The following GDAP1 variants were observed in gnomAD, a reference collection of about 807,000 sequenced individuals.
GDAP1 encodes ganglioside-induced differentiation-associated protein 1.
A neutral mutation model predicts 40.1 loss-of-function variants in GDAP1; 34 were observed. The ratio of observed to expected loss-of-function variants is 0.85; its 90% CI spans 0.64 to 1.13. The LOEUF is 1.13. GDAP1 is among the 50% of genes most tolerant of loss of function. GDAP1 has a pLI of 0.00. For missense variants in GDAP1, 374 were observed against 433.7 expected, an observed-to-expected ratio of 0.86 and a Z score of 1.22; for synonymous variants, 170 against 157.4, an observed-to-expected ratio of 1.08 and a Z score of -0.60.
chr8:74,473,235 T>A (rs948940318), intron 2 of GDAP1, among the ~76,000 whole-genome samples: 1 of 152,194 alleles, frequency 6.6e-6, no homozygotes, highest in African/African-American at 2.4e-5. Flanking sequence ...CTTTCTCCAA[T>A]TCTGTAGGTG....
Position 74,358,586 on chromosome 8 carries a change from G to T in GDAP1, c.311-1551G>T, listed in dbSNP as rs1231117721. Reference sequence around the variant, plus strand: ...AAGCACAATCCCACTAGCTGTCAGAGTGATAGAGTCATGTTTCCTGTAGCC... The same window carrying T: ...AAGCACAATCCCACTAGCTGTCAGATTGATAGAGTCATGTTTCCTGTAGCC... On this transcript the variant is annotated intron_variant, in intron 2 of 5. Transcript: ENST00000220822. Among the ~76,000 whole-genome samples the T allele has an allele frequency of 2.6e-5, 4 of 152,218 alleles. No homozygotes were observed. In the South Asian group the frequency reaches 8.3e-4, roughly 31 times the overall value.
intron 2 of GDAP1, among the ~76,000 whole-genome samples, chr8:74,445,853 G>A (rs1212442345): frequency 6.6e-6 from 1 of 152,084 alleles, no homozygotes; most frequent in Non-Finnish European, 1.5e-5. Context: ...CAAATCAGAC[G>A]CAATCATGAA....
chr8:74,419,904 T>C (rs953578752), intron 2 of GDAP1, among the ~76,000 whole-genome samples: 3 of 152,200 alleles, frequency 2.0e-5, no homozygotes, highest in Non-Finnish European at 4.4e-5. Flanking sequence ...CACCATTTGT[T>C]GAAGAGACCA....
At chr8:74,361,356 A>G (rs1415613292) in intron 3 of GDAP1, among the ~76,000 whole-genome samples, 2 of 151,992 alleles carry the variant, frequency 1.3e-5, no homozygotes, top group African/African-American at 4.8e-5. Context: ...GCTTCCCATG[A>G]AGCTTCTCAT....
chr8:74,439,005 C>CATACGTGTGTGTATGTGTATGTGTATAT (rs1806126975), intron 2 of GDAP1, among the ~76,000 whole-genome samples: 1 of 150,608 alleles, frequency 6.6e-6, no homozygotes, highest in Non-Finnish European at 1.5e-5. Context: ...TTGATTATGA[C>CATACGTGTGTGTATGTGTATGTGTATAT]ATACGTGTGT....
chr8:74,354,940 T>C lies in GDAP1; in HGVS notation c.310+3474T>C, dbSNP rs553451721. The stretch of plus-strand genomic sequence containing the variant: ...TAAAGAACAGAATGTAGTGAACCAG[T>C]ATGTCCTTCACTGTTATTTGCTGTC... On this transcript the variant is annotated intron_variant, in intron 2 of 5. Transcript: ENST00000220822. Among the ~76,000 whole-genome samples, 18 of 152,340 alleles carry C rather than the reference T, an allele frequency of 1.2e-4. No individual in the cohort carries two copies. In the South Asian group the frequency reaches 3.1e-3, roughly 26 times the overall value.
chr8:74,443,075 A>C (rs1233909141), intron 2 of GDAP1, among the ~76,000 whole-genome samples: 2 of 152,192 alleles, frequency 1.3e-5, no homozygotes, highest in Non-Finnish European at 2.9e-5. Context: ...TAGTTGATGC[A>C]TTTATAGAAA....
chr8:74,356,661 T>TGA (rs1400394293), intron 2 of GDAP1, among the ~76,000 whole-genome samples: 1 of 23,580 alleles, frequency 4.2e-5, no homozygotes, highest in Admixed American at 7.8e-4. Context: ...TATTATTTAG[T>TGA]GTGTGTGTGT....
chr8:74,481,380 T>C (rs891124795), intron 2 of GDAP1, among the ~76,000 whole-genome samples: 5 of 152,246 alleles, frequency 3.3e-5, no homozygotes, highest in Non-Finnish European at 5.9e-5. Flanking sequence ...TACTAGTATA[T>C]AGACAATATA....
intron 2 of GDAP1, among the ~76,000 whole-genome samples, chr8:74,437,708 T>G (rs1249516941): frequency 6.7e-6 from 1 of 148,200 alleles, no homozygotes; most frequent in Non-Finnish European, 1.5e-5. Context: ...TTTTAGAGAT[T>G]AAATCATATT....
chr8:74,453,924 C>G lies in GDAP1; in HGVS notation c.166-34754C>G, dbSNP rs1468643495. Among the ~76,000 whole-genome samples, 3 of 50,928 alleles carry G rather than the reference C, an allele frequency of 5.9e-5. 1 individual carries two copies. The highest frequency in any genetic ancestry group is 2.7e-4 in the African/African-American group (3 of 10,964). 33.4% of individuals were successfully genotyped at this position (50,928 alleles called of 152,430 possible). Reference sequence around the variant, plus strand: ...GTGAATAGTCTCTCTACTTTATTATCTACTATTCTGAAGAAAACACACACA... The same window carrying G: ...GTGAATAGTCTCTCTACTTTATTATGTACTATTCTGAAGAAAACACACACA... On this transcript the variant is annotated intron_variant, in intron 2 of 2. Transcript: ENST00000523640.
At chr8:74,463,029 G>A (rs930858637) in intron 2 of GDAP1, among the ~76,000 whole-genome samples, 2 of 147,142 alleles carry the variant, frequency 1.4e-5, no homozygotes, top group African/African-American at 5.0e-5. Context: ...CTTAGCTTTA[G>A]GGTGGATGAC....
At chr8:74,360,113 A>C (rs1405299678) in intron 2 of GDAP1, 24 bp from the exon 3 acceptor site, 1 of 1,584,354 alleles carries the variant, frequency 6.3e-7, no homozygotes, top group East Asian at 2.2e-5. Context: ...CTTTTTCTTC[A>C]ATATTTGTGT....
chr8:74,427,705 G>GT (rs1451006626), intron 2 of GDAP1, among the ~76,000 whole-genome samples: 1 of 152,066 alleles, frequency 6.6e-6, no homozygotes, highest in Non-Finnish European at 1.5e-5. Context: ...AATGTAGACT[G>GT]TTACTCAGGC....
At chr8:74,473,250 G>C (rs1279737046) in intron 2 of GDAP1, among the ~76,000 whole-genome samples, 1 of 152,114 alleles carries the variant, frequency 6.6e-6, no homozygotes, top group Non-Finnish European at 1.5e-5. Flanking sequence ...TAGGTGGTCT[G>C]TTTACTCTGT....
At chr8:74,362,294 C>G (rs898015725) in intron 4 of GDAP1, among the ~76,000 whole-genome samples, 9 of 152,168 alleles carry the variant, frequency 5.9e-5, no homozygotes, top group Non-Finnish European at 1.0e-4. Flanking sequence ...CTCGCTAGAC[C>G]TACATCCCTC....
intron 2 of GDAP1, among the ~76,000 whole-genome samples, chr8:74,440,176 G>T (rs2131571272): frequency 6.6e-6 from 1 of 152,234 alleles, no homozygotes; most frequent in South Asian, 2.1e-4. Context: ...TTTTGCATTT[G>T]CTTCTTGTAG....
rs1026437136 is a variant in GDAP1 at position 74,401,009 on chromosome 8, G to T, written c.165+49688G>T. 1.3e-5 allele frequency among the ~76,000 whole-genome samples: 2 copies of T among 149,346 alleles called. 1 individual carries two copies. The highest frequency in any genetic ancestry group is 5.2e-5 in the African/African-American group (2 of 38,792). On this transcript the variant is annotated intron_variant, in intron 2 of 2. Coordinates refer to the GDAP1 transcript ENST00000523640. ...CATTTTTTCCTTCATTTCAACTTTG[G>T]TGAATCTGACAATTATGTGTCTTGG...
At position 74,366,282 on chromosome 8, in the gene GDAP1, C is replaced by T. The variant is rs374926619; in HGVS notation, c.*1915C>T. 4.4e-6 allele frequency: 2 copies of T among 454,504 alleles called. No individual in the cohort carries two copies. Among genetic ancestry groups the T allele is most frequent in the East Asian group, 6.9e-5 (1 of 14,390 alleles). 28.2% of individuals were successfully genotyped at this position (454,504 alleles called of 1,614,324 possible). Reference sequence around the variant, plus strand: ...TGTTTGTTTAGGGATACAATGACCACTAGATGTCGCTGTTTATCCAGTAGA... The same window carrying T: ...TGTTTGTTTAGGGATACAATGACCATTAGATGTCGCTGTTTATCCAGTAGA... On this transcript the variant is annotated 3_prime_UTR_variant, in exon 6 of 6. Transcript: ENST00000220822.
Sources: gnomAD v4.1 joint callset for allele counts (sites outside exome capture counted in the v4.1 genomes callset) on GRCh38, gnomAD v4.1.1 for gene constraint, MANE v1.5 for transcripts, NCBI Gene and HGNC (gene_info 2026-07-23, HGNC 2026-07-21) for gene names.